Variants in POC1A observed in about 807,000 individuals in gnomAD.
POC1A encodes the protein POC1 centriolar protein homolog A.
POC1A carries 34 observed loss-of-function variants against 47.8 expected under a neutral mutation model. That is an observed-to-expected ratio of 0.71 (90% CI 0.54 to 0.95). The LOEUF is 0.95. POC1A is among the 40% of genes least tolerant of loss of function. The probability of loss-of-function intolerance (pLI) is 0.00; values close to 1 mark genes in which losing one functional copy is unlikely to be tolerated. For missense variants in POC1A, 466 were observed against 528.3 expected (o/e 0.88, Z 1.16); for synonymous variants, 177 against 207.6 (o/e 0.85, Z 1.27).
chr3:52,132,487 C>G (rs113458313), intron 7 of POC1A, among the ~76,000 whole-genome samples: 2,536 of 152,212 alleles, frequency 0.017, 62 homozygotes, highest in African/African-American at 0.053. Context: ...AAAGGTGACC[C>G]ATACAGGCTC....
At chr3:52,093,775 A>G (rs1702719601) in intron 10 of POC1A, among the ~76,000 whole-genome samples, 1 of 152,156 alleles carries the variant, frequency 6.6e-6, no homozygotes, top group Admixed American at 6.5e-5. Context: ...CACCCTGGGG[A>G]GGACTGAGAT....
At chr3:52,122,998 T>C (rs1277813439) in intron 8 of POC1A, among the ~76,000 whole-genome samples, 2 of 152,364 alleles carry the variant, frequency 1.3e-5, no homozygotes, top group South Asian at 4.1e-4. Context: ...GGTTAACACA[T>C]GGCCTCCAGG....
intron 1 of POC1A, 92 bp from the exon 2 acceptor site, chr3:52,151,192 G>T: frequency 6.4e-7 from 1 of 1,571,362 alleles, no homozygotes; most frequent in Non-Finnish European, 8.6e-7. Context: ...CGGGGGAGTA[G>T]GGTTAAAAAT....
In POC1A at chr3:52,079,852, G is replaced by T. The variant is rs1245910266; in HGVS notation, c.1126-3867C>A. ...ACTCTTCCACAGTGCGGCCCCTTCT[G>T]TCTGCTGACCTTGGAGAAACCAGGC... On this transcript the variant is annotated intron_variant, in intron 10 of 10. Coordinates refer to ENST00000296484, the MANE Select transcript of POC1A (RefSeq NM_015426.5). The surrounding 1 kb of genome is among the most constrained non-coding windows in gnomAD (Gnocchi z 4.6). 6.6e-6 allele frequency among the ~76,000 whole-genome samples: 1 copy of T among 152,212 alleles called. No homozygotes were observed. Among genetic ancestry groups the T allele is most frequent in the Non-Finnish European group, 1.5e-5 (1 of 68,036 alleles).
chr3:52,132,523 GAAGGAGGGC>G (rs1704254578), intron 7 of POC1A, among the ~76,000 whole-genome samples: 1 of 152,112 alleles, frequency 6.6e-6, no homozygotes, highest in African/African-American at 2.4e-5. Flanking sequence ...AAAGGCTGTG[GAAGGAGGGC>G]AATGCACCAT....
At chr3:52,139,879 A>C (rs553716062) in intron 6 of POC1A, among the ~76,000 whole-genome samples, 1 of 152,310 alleles carries the variant, frequency 6.6e-6, no homozygotes, top group South Asian at 2.1e-4. Flanking sequence ...GCAACTCCAC[A>C]GCCAATGCAT....
At chr3:52,152,662 A>G (rs1698595998) in intron 1 of POC1A, among the ~76,000 whole-genome samples, 1 of 152,228 alleles carries the variant, frequency 6.6e-6, no homozygotes, top group Non-Finnish European at 1.5e-5. Flanking sequence ...TTCTAGGTAA[A>G]TACCCCAAAG....
intron 8 of POC1A, among the ~76,000 whole-genome samples, chr3:52,122,896 AT>A (rs1458005481): frequency 6.6e-6 from 1 of 152,244 alleles, no homozygotes; most frequent in African/African-American, 2.4e-5. Flanking sequence ...GTAGGGAGTT[AT>A]TTAATCCCCT....
chr3:52,095,129 C>T (rs1459377413), intron 10 of POC1A, among the ~76,000 whole-genome samples: 1 of 152,118 alleles, frequency 6.6e-6, no homozygotes, highest in Non-Finnish European at 1.5e-5. Context: ...TCTCACTTGG[C>T]GAGGCTGTGA....
At chr3:52,095,659 A>T (rs1702790631) in intron 10 of POC1A, among the ~76,000 whole-genome samples, 1 of 152,138 alleles carries the variant, frequency 6.6e-6, no homozygotes. Context: ...AGAGCCAAGG[A>T]GATGAGGAAT....
At chr3:52,093,727 C>T (rs1190793343) in intron 10 of POC1A, among the ~76,000 whole-genome samples, 1 of 152,190 alleles carries the variant, frequency 6.6e-6, no homozygotes, top group Admixed American at 6.5e-5. Context: ...TCCTGGCTTC[C>T]AGGCCTTTCC....
At chr3:52,094,176 G>A (rs1306327937) in intron 10 of POC1A, among the ~76,000 whole-genome samples, 1 of 152,226 alleles carries the variant, frequency 6.6e-6, no homozygotes, top group African/African-American at 2.4e-5. Context: ...TGGGGTGGCT[G>A]GGCATCCTAC....
At chr3:52,142,750 T>A (rs1343192840) in intron 6 of POC1A, among the ~76,000 whole-genome samples, 1 of 152,132 alleles carries the variant, frequency 6.6e-6, no homozygotes, top group Non-Finnish European at 1.5e-5. Flanking sequence ...GGATCAGGCA[T>A]CTGTTGCCAG....
chr3:52,088,998 G>A (rs1002877597), intron 10 of POC1A, among the ~76,000 whole-genome samples: 5 of 151,250 alleles, frequency 3.3e-5, no homozygotes, highest in African/African-American at 9.7e-5. Context: ...GCAGGCAGGG[G>A]CCTTCAATCT....
At chr3:52,123,203 A>G (rs1703860394) in intron 8 of POC1A, among the ~76,000 whole-genome samples, 1 of 152,274 alleles carries the variant, frequency 6.6e-6, no homozygotes. Flanking sequence ...TAACTCAGCC[A>G]TGAAAAACAC....
intron 7 of POC1A, among the ~76,000 whole-genome samples, chr3:52,135,103 C>T (rs956381108): frequency 1.3e-5 from 2 of 152,230 alleles, no homozygotes; most frequent in Admixed American, 1.3e-4. Flanking sequence ...CAGGCAGAAC[C>T]CAGCCCCTTT....
intron 10 of POC1A, among the ~76,000 whole-genome samples, chr3:52,089,333 C>T (rs1702568122): frequency 6.6e-6 from 1 of 152,078 alleles, no homozygotes; most frequent in African/African-American, 2.4e-5. Flanking sequence ...TCCCCCAGTC[C>T]CTCTGCCACC....
At chr3:52,110,604 C>T (rs950342754) in intron 9 of POC1A, among the ~76,000 whole-genome samples, 8 of 152,242 alleles carry the variant, frequency 5.3e-5, no homozygotes, top group Non-Finnish European at 7.3e-5. Context: ...TGTTACAAGA[C>T]GATTCTTGTG....
chr3:52,111,420 G>A (rs1025175143), intron 9 of POC1A, among the ~76,000 whole-genome samples: 19 of 152,150 alleles, frequency 1.2e-4, no homozygotes, highest in East Asian at 9.6e-4. Context: ...GCCAAGGCGG[G>A]CAGATCACCA....
Sources: gnomAD v4.1 joint callset for allele counts (sites outside exome capture counted in the v4.1 genomes callset) on GRCh38, gnomAD v4.1.1 for gene constraint, Gnocchi (gnomAD v3.1) non-coding constraint, MANE v1.5 for transcripts, NCBI Gene and HGNC (gene_info 2026-07-23, HGNC 2026-07-21) for gene names.